PRKCB: variants seen among roughly 807,000 people sequenced by gnomAD.
PRKCB encodes protein kinase C beta type.
Under a neutral mutation model 81.5 loss-of-function variants are expected in PRKCB, and 13 were observed. The observed-to-expected ratio is 0.16, with a 90% CI of 0.10 to 0.25. PRKCB has a LOEUF of 0.25. Among genes scored for constraint, PRKCB ranks in the 10% least tolerant of loss-of-function variants. PRKCB has a pLI of 1.00. For missense variants in PRKCB, 509 were observed against 875.7 expected, an observed-to-expected ratio of 0.58 and a Z score of 5.29; for synonymous variants, 335 against 321.4, an observed-to-expected ratio of 1.04 and a Z score of -0.45.
intron 9 of PRKCB, among the ~76,000 whole-genome samples, chr16:24,145,413 A>G (rs1433282159): frequency 6.6e-6 from 1 of 152,196 alleles, no homozygotes; most frequent in African/African-American, 2.4e-5. Context: ...CCTAATGTCT[A>G]CCAAAAAAGA....
At chr16:24,057,847 C>T (rs80237549) in intron 5 of PRKCB, among the ~76,000 whole-genome samples, 229 of 152,244 alleles carry the variant, frequency 1.5e-3, no homozygotes, top group East Asian at 9.3e-3. Flanking sequence ...GAAACTTTGA[C>T]GGTCTTTTGC....
At chr16:24,047,526 G>A (rs1965783350) in intron 5 of PRKCB, among the ~76,000 whole-genome samples, 1 of 149,748 alleles carries the variant, frequency 6.7e-6, no homozygotes, top group Non-Finnish European at 1.5e-5. Flanking sequence ...GCGAGACCCT[G>A]TCTCTCCTTC....
intron 8 of PRKCB, among the ~76,000 whole-genome samples, chr16:24,113,536 C>G (rs550526674): frequency 1.3e-5 from 2 of 148,540 alleles, no homozygotes; most frequent in African/African-American, 5.0e-5. Flanking sequence ...CTCCCTCCCC[C>G]CTTTCCTTTC....
At chr16:23,940,961 C>T (rs1179559820) in intron 2 of PRKCB, among the ~76,000 whole-genome samples, 2 of 152,090 alleles carry the variant, frequency 1.3e-5, no homozygotes, top group Non-Finnish European at 2.9e-5. Context: ...TGTTGGATGC[C>T]TCATAGAACT....
At chr16:23,850,613 C>CCTTG (rs1315871594) in intron 2 of PRKCB, among the ~76,000 whole-genome samples, 1 of 152,196 alleles carries the variant, frequency 6.6e-6, no homozygotes, top group African/African-American at 2.4e-5. Context: ...GATCCACCTG[C>CCTTG]CTTGGCCTTC....
At chr16:24,103,293 A>G (rs1966532243) in intron 7 of PRKCB, among the ~76,000 whole-genome samples, 1 of 152,204 alleles carries the variant, frequency 6.6e-6, no homozygotes, top group Admixed American at 6.5e-5. Context: ...CTTTTCTAAC[A>G]TGCTTTAATT....
rs1211044814 is a variant in PRKCB at position 23,882,008 on chromosome 16, T to TTCTTTCTTTC, written c.205+44604_205+44613dup. 3.4e-4 allele frequency among the ~76,000 whole-genome samples: 33 copies of TTCTTTCTTTC among 97,902 alleles called. 2 individuals carry two copies. Among genetic ancestry groups the TTCTTTCTTTC allele is most frequent in the Admixed American group, 9.2e-4 (8 of 8,660 alleles). The allele number at this position is 97,902 out of a possible 152,430, so 64.2% of individuals were successfully genotyped here. On this transcript the variant is annotated intron_variant, in intron 2 of 16. Coordinates refer to ENST00000643927, the MANE Select transcript of PRKCB (RefSeq NM_002738.7). ...TTTCTTTCTTTCTTTCTTTCTTTCT[T>TTCTTTCTTTC]TCTTTCTTTCTTTCTTCCTTCCTTC... is the stretch of plus-strand genomic sequence containing the variant.
intron 5 of PRKCB, among the ~76,000 whole-genome samples, chr16:24,079,663 A>G (rs1198064423): frequency 6.6e-6 from 1 of 152,200 alleles, no homozygotes; most frequent in Non-Finnish European, 1.5e-5. Context: ...CTAAGATACA[A>G]TTCAGACAAT....
chr16:23,861,143 G>T (rs889962588), intron 2 of PRKCB, among the ~76,000 whole-genome samples: 1 of 151,762 alleles, frequency 6.6e-6, no homozygotes, highest in Non-Finnish European at 1.5e-5. Flanking sequence ...CTCCAATTCT[G>T]GAGGTTGTTT....
Position 24,035,419 on chromosome 16 carries a change from C to A in PRKCB, c.401C>A (p.Thr134Asn), listed in dbSNP as rs1181680133. Residue 134 changes from threonine to asparagine, a missense_variant and splice_region_variant, in exon 5 of 17, where the codon ACC becomes AAC. Coordinates refer to ENST00000643927, the MANE Select transcript of PRKCB (RefSeq NM_002738.7). The stretch of plus-strand genomic sequence containing the variant: ...ACATCCCCTCTCTCTGCCCTCACAG[C>A]CTGCATGATGAATGTGCACAAGCGC... The part of the protein sequence containing the change: ...GLIHQGMKCD[T>N]CMMNVHKRCV... 6.2e-7 allele frequency: 1 copy of A among 1,613,578 alleles called. No homozygotes were observed.
chr16:24,000,054 C>G (rs1965011707), intron 3 of PRKCB, among the ~76,000 whole-genome samples: 1 of 152,214 alleles, frequency 6.6e-6, no homozygotes, highest in Admixed American at 6.5e-5. Flanking sequence ...TCTCCCAACA[C>G]TTTTTAAGCC....
chr16:24,154,938 C>A, intron 10 of PRKCB, 81 bp downstream of exon 10: 1 of 1,455,332 alleles, frequency 6.9e-7, no homozygotes. Context: ...CAGCACCCAG[C>A]ACAGAGATAC....
intron 2 of PRKCB, among the ~76,000 whole-genome samples, chr16:23,842,962 G>T (rs1962292954): frequency 6.6e-6 from 1 of 151,778 alleles, no homozygotes; most frequent in African/African-American, 2.4e-5. Flanking sequence ...TTAGAAAACA[G>T]GTTTTTAAAT....
chr16:23,990,549 T>C (rs892055083), intron 3 of PRKCB, among the ~76,000 whole-genome samples: 3 of 151,900 alleles, frequency 2.0e-5, no homozygotes, highest in African/African-American at 7.2e-5. Flanking sequence ...TTTATTTTTG[T>C]TTTTTTCTCT....
chr16:24,167,370 G>T (rs1967363677), intron 10 of PRKCB, among the ~76,000 whole-genome samples: 1 of 152,004 alleles, frequency 6.6e-6, no homozygotes, highest in African/African-American at 2.4e-5. Flanking sequence ...AGTCAGTGTG[G>T]GCAACATGGC....
chr16:24,019,056 A>G (rs1965324728), intron 3 of PRKCB, among the ~76,000 whole-genome samples: 1 of 152,182 alleles, frequency 6.6e-6, no homozygotes, highest in South Asian at 2.1e-4. Context: ...GATAAACCCT[A>G]AAATATTCTA....
intron 3 of PRKCB, 113 bp downstream of exon 3, chr16:23,988,703 T>C (rs1964833797): frequency 1.0e-6 from 1 of 998,450 alleles, no homozygotes; most frequent in South Asian, 1.5e-5. Context: ...CTCTAAGGCA[T>C]GTGGTGGTCC....
rs545967075 is a variant in PRKCB at position 23,857,263 on chromosome 16, C to T, written c.205+19857C>T. Among the ~76,000 whole-genome samples, 13 of 152,244 alleles carry T rather than the reference C, an allele frequency of 8.5e-5. No homozygotes were observed. In the South Asian group the frequency reaches 1.2e-3, roughly 15 times the overall value. ...GTCAGAGAGCTGTGTCGAATGCTGG[C>T]GGAGAACTGTCCCTCTCCTGCAGAG... is the stretch of plus-strand genomic sequence containing the variant. On this transcript the variant is annotated intron_variant, in intron 2 of 16. Transcript: ENST00000643927.
chr16:24,213,342 G>C (rs1238508635), intron 16 of PRKCB, among the ~76,000 whole-genome samples: 1 of 152,122 alleles, frequency 6.6e-6, no homozygotes, highest in Non-Finnish European at 1.5e-5. Flanking sequence ...CACTGTACTT[G>C]TAAAAATGGA....
Sources: allele counts gnomAD v4.1 joint callset (sites outside exome capture counted in the v4.1 genomes callset), GRCh38; gene constraint gnomAD v4.1.1; transcripts MANE v1.5; gene names NCBI Gene and HGNC (gene_info 2026-07-23, HGNC 2026-07-21).